The following MRRF variants were observed in gnomAD, a reference collection of about 807,000 sequenced individuals.
The protein encoded by MRRF is ribosome-recycling factor, mitochondrial.
MRRF carries 18 observed loss-of-function variants against 25.1 expected under a neutral mutation model. The ratio of observed to expected loss-of-function variants is 0.72; its 90% confidence interval spans 0.50 to 1.06. The LOEUF (loss-of-function observed/expected upper bound fraction) is 1.06. Ranked by LOEUF, MRRF falls within the 50% of genes least tolerant of loss-of-function variation. The pLI, the probability that MRRF is intolerant of heterozygous loss-of-function variation, is 0.00. For synonymous variants in MRRF, 113 were observed against 112.1 expected (o/e 1.01, Z -0.05); for missense variants, 323 against 319.3 (o/e 1.01, Z -0.09).
intron 1 of MRRF, among the ~76,000 whole-genome samples, chr9:122,267,513 C>G (rs1000277864): frequency 2.0e-5 from 3 of 152,138 alleles, no homozygotes; most frequent in Non-Finnish European, 4.4e-5. Flanking sequence ...ACTATATTGC[C>G]AAGGCTGGCC....
intron 1 of MRRF, chr9:122,265,630 C>T (rs1487429659): frequency 2.6e-5 from 14 of 533,736 alleles, no homozygotes; most frequent in Admixed American, 5.2e-5. Context: ...GAATGAAAAC[C>T]TGATCTGACC....
chr9:122,274,262 C>A (rs1017506408), intron 2 of MRRF, among the ~76,000 whole-genome samples: 17 of 152,166 alleles, frequency 1.1e-4, no homozygotes, highest in African/African-American at 3.1e-4. Context: ...GCTATAGTAA[C>A]CAAAACAGCA....
intron 2 of MRRF, among the ~76,000 whole-genome samples, chr9:122,277,677 A>C (rs1435517032): frequency 6.6e-6 from 1 of 152,044 alleles, no homozygotes; most frequent in Non-Finnish European, 1.5e-5. Context: ...CAGCCTCCCG[A>C]GTAGCTGGGA....
In MRRF at chr9:122,329,660, A is replaced by G. The variant is rs1272452824; in HGVS notation, c.*7043A>G. 11 of 152,250 alleles carry G rather than the reference A, an allele frequency of 7.2e-5. No individual in the cohort carries two copies. The highest frequency in any genetic ancestry group is 6.6e-4 in the Admixed American group (10 of 15,264). 9.4% of individuals were successfully genotyped at this position (152,250 alleles called of 1,614,324 possible). A position where few individuals can be genotyped will look rare whatever the true frequency, so the allele number is the denominator to read the frequency against. On this transcript the variant is annotated 3_prime_UTR_variant, in exon 7 of 7. Coordinates refer to ENST00000344641, the MANE Select transcript of MRRF (RefSeq NM_138777.5). ...TCCAATAAGTCACCAAGTCCTGTCA[A>G]TTCTCCCTTCAACAGACCTTTCCTT...
chr9:122,290,797 A>T (rs901309220), intron 4 of MRRF, among the ~76,000 whole-genome samples: 1 of 152,130 alleles, frequency 6.6e-6, no homozygotes, highest in African/African-American at 2.4e-5. Flanking sequence ...ATGTTGCTTG[A>T]GTGTGAGGTG....
At chr9:122,294,185 C>T (rs979169556) in intron 5 of MRRF, among the ~76,000 whole-genome samples, 2 of 152,206 alleles carry the variant, frequency 1.3e-5, no homozygotes, top group Non-Finnish European at 2.9e-5. Context: ...CAGGTCGTTT[C>T]TGAAGCTCCA....
intron 4 of MRRF, among the ~76,000 whole-genome samples, chr9:122,287,899 A>G (rs1177131467): frequency 6.6e-6 from 1 of 152,190 alleles, no homozygotes; most frequent in East Asian, 1.9e-4. Context: ...TCCTTCCTCC[A>G]GCTTCGAAGC....
At chr9:122,296,027 G>A (rs1355690120) in intron 5 of MRRF, among the ~76,000 whole-genome samples, 5 of 152,112 alleles carry the variant, frequency 3.3e-5, no homozygotes, top group Non-Finnish European at 7.4e-5. Context: ...GGGGAAGTAG[G>A]TAAAAGATAA....
intron 6 of MRRF, among the ~76,000 whole-genome samples, chr9:122,314,755 G>A (rs963571528): frequency 1.3e-5 from 2 of 152,212 alleles, no homozygotes; most frequent in African/African-American, 4.8e-5. Context: ...GAGGCAGGGC[G>A]ATAGGGATGC....
intron 6 of MRRF, among the ~76,000 whole-genome samples, chr9:122,321,794 C>G (rs1206158207): frequency 1.3e-5 from 2 of 148,584 alleles, no homozygotes; most frequent in Non-Finnish European, 3.0e-5. Flanking sequence ...TTCTTCTTAT[C>G]AATTTGTATG....
chr9:122,279,914 TA>T (rs1832993704), intron 2 of MRRF, among the ~76,000 whole-genome samples: 1 of 152,234 alleles, frequency 6.6e-6, no homozygotes, highest in Non-Finnish European at 1.5e-5. Context: ...TTCATGGGTT[TA>T]AAATTAGGCA....
chr9:122,297,439 A>G (rs1219879873), intron 5 of MRRF, among the ~76,000 whole-genome samples: 1 of 151,972 alleles, frequency 6.6e-6, no homozygotes, highest in Admixed American at 6.6e-5. Context: ...TTGTAATGAT[A>G]TGGGATTATA....
rs1027654209 is a variant in MRRF at position 122,329,278 on chromosome 9, C to A, written c.*6661C>A. The stretch of plus-strand genomic sequence containing the variant: ...TGTGCTGCTTTCTCTCACCTTCAAG[C>A]CTTTTCTTAGGCTATTTTCTTTGCC... On this transcript the variant is annotated 3_prime_UTR_variant, in exon 7 of 7. Coordinates refer to ENST00000344641, the MANE Select transcript of MRRF (RefSeq NM_138777.5). The A allele has an allele frequency of 7.9e-5, 12 of 152,166 alleles. No individual in the cohort carries two copies. The highest frequency in any genetic ancestry group is 2.4e-4 in the African/African-American group (10 of 41,424). 9.4% of individuals were successfully genotyped at this position (152,166 alleles called of 1,614,324 possible).
intron 5 of MRRF, among the ~76,000 whole-genome samples, chr9:122,304,979 G>A (rs1933778993): frequency 6.6e-6 from 1 of 150,930 alleles, no homozygotes; most frequent in Admixed American, 6.6e-5. Context: ...GTCTTGCTTT[G>A]TTACCCGGGC....
intron 6 of MRRF, 97 bp from the exon 7 acceptor site, chr9:122,322,437 CTATTAT>C: frequency 9.8e-7 from 1 of 1,016,010 alleles, no homozygotes; most frequent in Non-Finnish European, 1.5e-6. Context: ...ACTTTTGTCA[CTATTAT>C]TATTTCTCAC....
intron 4 of MRRF, 157 bp downstream of exon 4, chr9:122,285,444 C>T (rs1833337250): frequency 1.4e-6 from 1 of 711,260 alleles, no homozygotes; most frequent in Non-Finnish European, 2.6e-6. Flanking sequence ...TTTCCTGTTG[C>T]CAGATTCCTT....
intron 3 of MRRF, among the ~76,000 whole-genome samples, chr9:122,282,235 G>A (rs1294095254): frequency 6.6e-6 from 1 of 152,226 alleles, no homozygotes; most frequent in Admixed American, 6.5e-5. Flanking sequence ...CTTTCTCACA[G>A]CAATTTCTAT....
intron 5 of MRRF, among the ~76,000 whole-genome samples, chr9:122,312,368 A>C (rs1026515037): frequency 1.3e-5 from 2 of 152,204 alleles, no homozygotes; most frequent in Admixed American, 6.5e-5. Context: ...ATCCAAAAGG[A>C]TTTACGTAAA....
intron 5 of MRRF, among the ~76,000 whole-genome samples, chr9:122,309,792 A>G (rs1037344136): frequency 6.6e-6 from 1 of 152,250 alleles, no homozygotes; most frequent in Non-Finnish European, 1.5e-5. Flanking sequence ...ATGAAGCTAT[A>G]GATTGAATGA....
Sources: allele counts gnomAD v4.1 joint callset (sites outside exome capture counted in the v4.1 genomes callset), GRCh38; gene constraint gnomAD v4.1.1; transcripts MANE v1.5; gene names NCBI Gene and HGNC (gene_info 2026-07-23, HGNC 2026-07-21).